PI4KA: variants seen among roughly 807,000 people sequenced by gnomAD.
PI4KA encodes PI4-kinase alpha.
In PI4KA, 122 loss-of-function variants were observed where a neutral mutation model predicts 271.4. The observed-to-expected ratio is 0.45, with a 90% CI of 0.39 to 0.52. The LOEUF (loss-of-function observed/expected upper bound fraction) is 0.52. PI4KA is among the 20% of genes least tolerant of loss of function. PI4KA has a pLI of 0.00. For synonymous variants in PI4KA, 1,041 were observed against 1,078.8 expected (o/e 0.96, Z 0.69); for missense variants, 1,969 against 2,769.1 (o/e 0.71, Z 6.48).
At chr22:20,799,901 A>G in intron 14 of PI4KA, 135 bp from the exon 15 acceptor site, 3 of 601,610 alleles carry the variant, frequency 5.0e-6, no homozygotes, top group Non-Finnish European at 8.8e-6. Flanking sequence ...ATTGGAGGTC[A>G]TAACACAGAA....
chr22:20,770,578 GGACACACAC>G (rs1932827675), intron 19 of PI4KA, among the ~76,000 whole-genome samples: 1 of 47,812 alleles, frequency 2.1e-5, no homozygotes, highest in Non-Finnish European at 3.7e-5. Flanking sequence ...AGCTGGACAC[GGACACACAC>G]ACACACACAC....
intron 19 of PI4KA, among the ~76,000 whole-genome samples, chr22:20,773,499 T>TC (rs1211236804): frequency 4.6e-5 from 7 of 152,184 alleles, no homozygotes; most frequent in Non-Finnish European, 2.9e-5. Context: ...TCAGTAATAG[T>TC]CCTATCTGTC....
chr22:20,723,121 C>T (rs894935756), intron 42 of PI4KA, among the ~76,000 whole-genome samples: 2 of 151,302 alleles, frequency 1.3e-5, no homozygotes, highest in African/African-American at 4.9e-5. Flanking sequence ...CCCGGGTTCA[C>T]GCCATTCTCC....
At chr22:20,828,461 T>C (rs1923727879) in intron 3 of PI4KA, among the ~76,000 whole-genome samples, 1 of 152,200 alleles carries the variant, frequency 6.6e-6, no homozygotes, top group Non-Finnish European at 1.5e-5. Flanking sequence ...TTCGAGCTTT[T>C]GACCATACAG....
intron 19 of PI4KA, among the ~76,000 whole-genome samples, chr22:20,782,953 T>C (rs1933912114): frequency 6.6e-6 from 1 of 150,956 alleles, no homozygotes; most frequent in South Asian, 2.1e-4. Context: ...CTGGCTGCTC[T>C]ACCCACCAGC....
At position 20,858,783 on chromosome 22, in the gene PI4KA, G is replaced by A. The variant is rs771343404; in HGVS notation, c.-58C>T. On this transcript the variant is annotated 5_prime_UTR_variant, in exon 1 of 55. Coordinates refer to ENST00000255882, the MANE Select transcript of PI4KA (RefSeq NM_058004.4). ...CCCCGCTCCTGGCCCGCGAGCGCCC[G>A]ACCTCAGGGCGCAGGCGTAGGTGCA... 5.1e-5 allele frequency: 69 copies of A among 1,366,200 alleles called. 1 individual carries two copies. The highest frequency in any genetic ancestry group is 2.8e-5 in the Non-Finnish European group (30 of 1,055,638). 84.6% of individuals were successfully genotyped at this position (1,366,200 alleles called of 1,614,324 possible).
chr22:20,821,140 A>G (rs2147701099), intron 4 of PI4KA, among the ~76,000 whole-genome samples: 1 of 152,316 alleles, frequency 6.6e-6, no homozygotes, highest in Non-Finnish European at 1.5e-5. Context: ...ACTTCTATGT[A>G]TGTGACATTA....
At chr22:20,779,622 A>G in intron 19 of PI4KA, 1 of 1,614,218 alleles carries the variant, frequency 6.2e-7, no homozygotes, top group Non-Finnish European at 8.5e-7. Context: ...AGTTTCCCCG[A>G]CAGACTCTGA....
chr22:20,856,481 C>G (rs1927614318), intron 1 of PI4KA, among the ~76,000 whole-genome samples: 1 of 147,682 alleles, frequency 6.8e-6, no homozygotes, highest in Admixed American at 6.9e-5. Flanking sequence ...GTCACCCAGG[C>G]TGAAGTGCAA....
At chr22:20,753,838 C>G (rs990583432) in intron 23 of PI4KA, among the ~76,000 whole-genome samples, 1 of 152,144 alleles carries the variant, frequency 6.6e-6, no homozygotes, top group Non-Finnish European at 1.5e-5. Flanking sequence ...AGGTGCCCAC[C>G]ACCACGCCCG....
intron 32 of PI4KA, 66 bp downstream of exon 32, chr22:20,742,162 A>T: frequency 1.3e-6 from 2 of 1,532,674 alleles, no homozygotes. Context: ...TGGCGGCACC[A>T]GGGAAGGCTC....
At chr22:20,800,362 G>A (rs1172743900) in intron 14 of PI4KA, among the ~76,000 whole-genome samples, 1 of 152,146 alleles carries the variant, frequency 6.6e-6, no homozygotes, top group Non-Finnish European at 1.5e-5. Flanking sequence ...CAGACTGTAT[G>A]TAGCTCTCAA....
At chr22:20,814,191 C>G (rs1921433346) in intron 7 of PI4KA, among the ~76,000 whole-genome samples, 1 of 151,108 alleles carries the variant, frequency 6.6e-6, no homozygotes, top group South Asian at 2.1e-4. Context: ...AAAAAAAATG[C>G]ACACTACTAG....
intron 35 of PI4KA, 128 bp from the exon 36 acceptor site, chr22:20,733,226 A>G: frequency 1.0e-6 from 1 of 978,654 alleles, no homozygotes; most frequent in Non-Finnish European, 1.6e-6. Context: ...AAAGCCAGTC[A>G]TTAGCAAGGA....
rs1926328246 is a variant in PI4KA, at chr22:20,718,715, T to C, written c.5224A>G (p.Thr1742Ala). The C allele has an allele frequency of 1.9e-6, 3 of 1,613,606 alleles. No individual in the cohort carries two copies. The highest frequency in any genetic ancestry group is 1.7e-4 in the Middle Eastern group (1 of 5,826). Residue 1742 changes from threonine (T) to alanine (A), a missense_variant, in exon 44 of 55, where the codon ACC becomes GCC. Thr to Ala is a moderately conservative substitution (Grantham distance 58). Around this residue, in one of 13 missense-constraint regions of PI4KA, gnomAD observed 388 missense variants for 521.5 expected, o/e 0.74. Coordinates refer to ENST00000255882, the MANE Select transcript of PI4KA (RefSeq NM_058004.4). ...TACTTGATGATAGCCGACACGTTGG[T>C]GATCTTGTTAAAGAAATCAAACTCC... is the stretch of plus-strand genomic sequence containing the variant. ...QREFDFFNKI[T>A]NVSAIIKPYP...
intron 19 of PI4KA, chr22:20,779,093 AT>A (rs1933533571): frequency 8.2e-7 from 1 of 1,213,208 alleles, no homozygotes. Flanking sequence ...CAGATCCTTC[AT>A]TGAGGTTTAT....
intron 23 of PI4KA, among the ~76,000 whole-genome samples, chr22:20,757,361 G>A (rs981420582): frequency 3.9e-5 from 6 of 152,084 alleles, no homozygotes; most frequent in East Asian, 3.9e-4. Flanking sequence ...AATGAAAATC[G>A]CTTTATTTTG....
chr22:20,747,274 GCT>G lies in PI4KA; in HGVS notation c.3363+307_3363+308del, dbSNP rs369812681. ...CATCGCGCTGCCCGTGTCAGGCGGA[GCT>G]CTGTTTCCATCCTCTCAGATGGGGA... On this transcript the variant is annotated intron_variant, in intron 29 of 54. Transcript: ENST00000255882. 2.9e-3 allele frequency among the ~76,000 whole-genome samples: 441 copies of G among 152,144 alleles called. 2 individuals carry two copies. The highest frequency in any genetic ancestry group is 0.01 in the African/African-American group (415 of 41,468).
chr22:20,789,830 G>A (rs889381585), intron 19 of PI4KA, among the ~76,000 whole-genome samples: 1 of 152,266 alleles, frequency 6.6e-6, no homozygotes, highest in South Asian at 2.1e-4. Flanking sequence ...CACAGTTTTC[G>A]AAAAGGTTCT....
Sources: gnomAD v4.1 joint callset for allele counts (sites outside exome capture counted in the v4.1 genomes callset) on GRCh38, gnomAD v4.1.1 for gene constraint, gnomAD v4.1.1 regional missense constraint, MANE v1.5 for transcripts, NCBI Gene and HGNC (gene_info 2026-07-23, HGNC 2026-07-21) for gene names.